Variants in LRRN3 observed in about 807,000 individuals in gnomAD.
The protein encoded by LRRN3 is leucine-rich repeat neuronal protein 3.
Under a neutral mutation model 40.1 loss-of-function variants are expected in LRRN3, and 15 were observed. That is an observed-to-expected ratio of 0.37 (90% CI 0.25 to 0.58). LRRN3 has a LOEUF of 0.58. Ranked by LOEUF, LRRN3 falls within the 20% of genes least tolerant of loss-of-function variation. The pLI is 0.72. For missense variants in LRRN3, 746 were observed against 837.7 expected (o/e 0.89, Z 1.35); for synonymous variants, 308 against 297.2 (o/e 1.04, Z -0.37).
Position 111,124,663 on chromosome 7 carries a change from G to A in LRRN3, c.1891G>A (p.Ala631Thr). The A allele has an allele frequency of 1.2e-6, 2 of 1,613,848 alleles. No individual in the cohort carries two copies. Among genetic ancestry groups the A allele is most frequent in the Non-Finnish European group, 1.7e-6 (2 of 1,179,932 alleles). ...AAAGAATAATACCACAACACTTATG[G>A]CCTGTCTTGGAGGCCTTCTGGGGAT... The part of the protein sequence containing the change: ...YEKNNTTTLM[A>T]CLGGLLGIIG... Residue 631 changes from alanine to threonine, a missense_variant, in exon 3 of 3, where the codon GCC (alanine) becomes ACC (threonine). Transcript: ENST00000308478.
intron 2 of LRRN3, among the ~76,000 whole-genome samples, chr7:111,109,267 T>A (rs998790938): frequency 6.6e-5 from 10 of 152,282 alleles, no homozygotes; most frequent in Non-Finnish European, 1.3e-4. Context: ...TAAGTTTTTT[T>A]TTTCAAGTCA....
rs374101714 is a variant in LRRN3 at position 111,100,918 on chromosome 7, C to T, written c.-359+956C>T. Reference sequence around the variant, plus strand: ...TCTTTCAGCCCTGAATGTTGCTCACCAGTTTTGAAAATATTTGAAAACTTT... The same window carrying T: ...TCTTTCAGCCCTGAATGTTGCTCACTAGTTTTGAAAATATTTGAAAACTTT... On this transcript the variant is annotated intron_variant, in intron 2 of 2. Coordinates refer to ENST00000308478, the MANE Select transcript of LRRN3 (RefSeq NM_001099658.2). Among the ~76,000 whole-genome samples, 19 of 151,350 alleles carry T rather than the reference C, an allele frequency of 1.3e-4. 1 individual carries two copies. The highest frequency in any genetic ancestry group is 8.6e-4 in the Admixed American group (13 of 15,100).
At chr7:111,095,809 T>C (rs1490269373) in intron 1 of LRRN3, among the ~76,000 whole-genome samples, 2 of 151,916 alleles carry the variant, frequency 1.3e-5, no homozygotes, top group Non-Finnish European at 2.9e-5. Context: ...ATATACAGTG[T>C]CCACTCTCAG....
In LRRN3 at chr7:111,123,663, G is replaced by A; in HGVS notation, c.891G>A (p.Leu297=). 1 of 1,613,922 alleles carries A rather than the reference G, an allele frequency of 6.2e-7. No individual in the cohort carries two copies. The highest frequency in any genetic ancestry group is 8.5e-7 in the Non-Finnish European group (1 of 1,179,954). Residue 297 remains leucine, a synonymous_variant, in exon 3 of 3, where the codon CTG becomes CTA. Transcript: ENST00000308478. This position sits in a 1 kb window ranked among gnomAD's most constrained non-coding sequence, Gnocchi z 6.4. ...KELGINNMPE[L]ISIDSLAVDN... ...TGGGGATAAATAATATGCCTGAGCT[G>A]ATTTCCATCGATAGTCTTGCTGTGG... is the stretch of plus-strand genomic sequence containing the variant.
chr7:111,112,425 C>T (rs1000999436), intron 2 of LRRN3, among the ~76,000 whole-genome samples: 9 of 152,126 alleles, frequency 5.9e-5, no homozygotes, highest in Non-Finnish European at 8.8e-5. Context: ...CCATTTAACA[C>T]GAGTGTTAGG....
Position 111,125,296 on chromosome 7 carries a change from A to T in LRRN3, c.*397A>T. ...AGCCACGAGTTTTTGCAGTGACCAG[A>T]TAAACTTGAATTGACACGTGGTGTA... On this transcript the variant is annotated 3_prime_UTR_variant, in exon 3 of 3. Coordinates refer to ENST00000308478, the MANE Select transcript of LRRN3 (RefSeq NM_001099658.2). The T allele has an allele frequency of 5.8e-6, 1 of 173,020 alleles. No homozygotes were observed. Among genetic ancestry groups the T allele is most frequent in the Non-Finnish European group, 1.4e-5 (1 of 72,414 alleles). 10.7% of individuals were successfully genotyped at this position (173,020 alleles called of 1,614,324 possible).
chr7:111,124,608 A>G lies in LRRN3; in HGVS notation c.1836A>G (p.Lys612=), dbSNP rs569975916. The G allele has an allele frequency of 6.2e-7, 1 of 1,614,016 alleles. No individual in the cohort carries two copies. The highest frequency in any genetic ancestry group is 1.3e-5 in the African/African-American group (1 of 75,052). ...AAAAATGTGTAAATGTCACCACCAA[A>G]GGTTTGCACCCTGATCAAAAAGAGT... The part of the protein sequence containing the change: ...NRKKCVNVTT[K]GLHPDQKEYE... The change falls in exon 3 of 3, where the codon AAA becomes AAG. Residue 612 remains lysine, a synonymous_variant. Coordinates refer to ENST00000308478, the MANE Select transcript of LRRN3 (RefSeq NM_001099658.2).
In LRRN3 at chr7:111,112,206, C is replaced by T. The variant is rs767717658; in HGVS notation, c.-358-10209C>T. 9.2e-5 allele frequency among the ~76,000 whole-genome samples: 14 copies of T among 151,902 alleles called. No individual in the cohort carries two copies. The East Asian group carries it at 1.7e-3, about 19-fold the overall frequency. ...TTGAACTCCTGACCTCAGGTATATC[C>T]GCCTGACTTCGCCTCCCAAAGTGCT... On this transcript the variant is annotated intron_variant, in intron 2 of 2. Coordinates refer to ENST00000308478, the MANE Select transcript of LRRN3 (RefSeq NM_001099658.2).
Position 111,124,878 on chromosome 7 carries a change from T to TCTG in LRRN3, c.2106_2107insCTG (p.Leu703dup). 6.3e-7 allele frequency: 1 copy of TCTG among 1,589,198 alleles called. No individual in the cohort carries two copies. Among genetic ancestry groups the TCTG allele is most frequent in the South Asian group, 1.1e-5 (1 of 87,166 alleles). ...TGAAAGTAAAAGCAACTGTTATAGG[T>TCTG]TTACCAACAAATATGTCCTAAAAAC... is the stretch of plus-strand genomic sequence containing the variant. On this transcript the variant is annotated inframe_insertion, in exon 3 of 3. Transcript: ENST00000308478.
At chr7:111,101,508 T>C (rs1163712167) in intron 2 of LRRN3, among the ~76,000 whole-genome samples, 2 of 151,536 alleles carry the variant, frequency 1.3e-5, no homozygotes, top group East Asian at 3.9e-4. Context: ...GTCTTTTTCT[T>C]TTGTCCACTG....
chr7:111,124,563 C>T lies in LRRN3; in HGVS notation c.1791C>T (p.Thr597=). 1 of 1,613,492 alleles carries T rather than the reference C, an allele frequency of 6.2e-7. No homozygotes were observed. Among genetic ancestry groups the T allele is most frequent in the Non-Finnish European group, 8.5e-7 (1 of 1,179,686 alleles). ...TEYKICIDIP[T]IYQKNRKKCV... ...ATAAAATTTGTATTGATATTCCCAC[C>T]ATCTATCAGAAAAACAGAAAAAAAT... The change falls in exon 3 of 3, where the codon ACC becomes ACT. Residue 597 remains threonine, a synonymous_variant. Coordinates refer to ENST00000308478, the MANE Select transcript of LRRN3 (RefSeq NM_001099658.2).
chr7:111,120,915 T>C (rs1800521377), intron 2 of LRRN3, among the ~76,000 whole-genome samples: 1 of 151,674 alleles, frequency 6.6e-6, no homozygotes, highest in Non-Finnish European at 1.5e-5. Context: ...TTATTGGCCT[T>C]TTATGTTGCC....
In LRRN3 at chr7:111,124,977, CA is replaced by C; in HGVS notation, c.*82del. On this transcript the variant is annotated 3_prime_UTR_variant, in exon 3 of 3. Transcript: ENST00000308478. ...GACTGCAGTTGTGCTAAAAACAAAACAAAACAAACAAACAAACAAAAAAGTA... is the reference window on the plus strand; with the variant it reads ...GACTGCAGTTGTGCTAAAAACAAAACAAACAAACAAACAAACAAAAAAGTA... 2 of 1,013,622 alleles carry C rather than the reference CA, an allele frequency of 2.0e-6. No homozygotes were observed. Among genetic ancestry groups the C allele is most frequent in the Admixed American group, 3.0e-5 (1 of 33,032 alleles). The allele number at this position is 1,013,622 out of a possible 1,614,324, so 62.8% of individuals were successfully genotyped here. A position where few individuals can be genotyped will look rare whatever the true frequency, so the allele number is the denominator to read the frequency against.
Position 111,122,572 on chromosome 7 carries a change from T to C in LRRN3, c.-201T>C, listed in dbSNP as rs780769534. ...TCATTAAGGAAATAGTAACCTTCTC[T>C]TCTCCAATATGCATGACATTTTTGG... is the stretch of plus-strand genomic sequence containing the variant. On this transcript the variant is annotated 5_prime_UTR_variant, in exon 3 of 3. Coordinates refer to ENST00000308478, the MANE Select transcript of LRRN3 (RefSeq NM_001099658.2). 1.0e-4 allele frequency: 57 copies of C among 558,266 alleles called. No individual in the cohort carries two copies. The highest frequency in any genetic ancestry group is 1.6e-4 in the Non-Finnish European group (49 of 315,548). The allele number at this position is 558,266 out of a possible 1,614,324, so 34.6% of individuals were successfully genotyped here. A position where few individuals can be genotyped will look rare whatever the true frequency, so the allele number is the denominator to read the frequency against.
intron 1 of LRRN3, among the ~76,000 whole-genome samples, chr7:111,097,725 T>C (rs1797554234): frequency 1.3e-5 from 2 of 151,880 alleles, no homozygotes; most frequent in African/African-American, 4.8e-5. Flanking sequence ...TAAATTTAAT[T>C]CTATTTTTAT....
intron 2 of LRRN3, among the ~76,000 whole-genome samples, chr7:111,107,907 G>C (rs1359978310): frequency 6.6e-6 from 1 of 152,108 alleles, no homozygotes; most frequent in Admixed American, 6.6e-5. Flanking sequence ...TTTCATGTGT[G>C]CTGCATAGAT....
rs1430001406 is a variant in LRRN3 at position 111,101,690 on chromosome 7, TC to T, written c.-359+1731del. 5.3e-5 allele frequency among the ~76,000 whole-genome samples: 8 copies of T among 151,584 alleles called. No individual in the cohort carries two copies. In the East Asian group the frequency reaches 1.4e-3, roughly 26 times the overall value. On this transcript the variant is annotated intron_variant, in intron 2 of 2. Coordinates refer to ENST00000308478, the MANE Select transcript of LRRN3 (RefSeq NM_001099658.2). The stretch of plus-strand genomic sequence containing the variant: ...TCAATAGGTATATTGTCTTGTGTCT[TC>T]CCTGAGAAGACTGAGAAGAGGGTAT...
intron 1 of LRRN3, among the ~76,000 whole-genome samples, chr7:111,097,665 C>G (rs1419269301): frequency 6.6e-6 from 1 of 151,804 alleles, no homozygotes; most frequent in Non-Finnish European, 1.5e-5. Flanking sequence ...AGACTGTTTA[C>G]TGTATCGCTA....
At chr7:111,100,246 T>C (rs1224163194) in intron 2 of LRRN3, among the ~76,000 whole-genome samples, 6 of 151,556 alleles carry the variant, frequency 4.0e-5, no homozygotes, top group African/African-American at 1.5e-4. Context: ...CAGTGTACAC[T>C]GTACCCAATG....
Sources: gnomAD v4.1 joint callset for allele counts (sites outside exome capture counted in the v4.1 genomes callset) on GRCh38, gnomAD v4.1.1 for gene constraint, Gnocchi (gnomAD v3.1) non-coding constraint, MANE v1.5 for transcripts, NCBI Gene and HGNC (gene_info 2026-07-23, HGNC 2026-07-21) for gene names.